Variants in FBXW5 observed in about 807,000 individuals in gnomAD.
The protein encoded by FBXW5 is F-box and WD repeat domain containing 5.
FBXW5 carries 74 observed loss-of-function variants against 50.9 expected under a neutral mutation model. The ratio of observed to expected loss-of-function variants is 1.45; its 90% confidence interval spans 1.20 to 1.76. The LOEUF (loss-of-function observed/expected upper bound fraction) is 1.76. FBXW5 is among the 40% of genes most tolerant of loss of function. The pLI is 0.00. For synonymous variants in FBXW5, 523 were observed against 362.2 expected, an observed-to-expected ratio of 1.44 and a Z score of -5.04; for missense variants, 1,073 against 818.8, an observed-to-expected ratio of 1.31 and a Z score of -3.79.
chr9:136,942,662 T>C lies in FBXW5; in HGVS notation c.560A>G (p.Lys187Arg). The C allele has an allele frequency of 6.2e-7, 1 of 1,610,386 alleles. No individual in the cohort carries two copies. Among genetic ancestry groups the C allele is most frequent in the Non-Finnish European group, 8.5e-7 (1 of 1,178,936 alleles). The change falls in exon 5 of 9, where the codon AAG becomes AGG. Residue 187 changes from lysine to arginine, a missense_variant. Coordinates refer to ENST00000325285, the MANE Select transcript of FBXW5 (RefSeq NM_018998.4). ...SFALLSRVRN[K>R]PYDVFGCWLT... ...CCAACAGCCAAACACGTCATAGGGC[T>C]TGTTCCGCACGCGGGACAGCAGCGC...
rs1002945387 is a variant in FBXW5, at chr9:136,943,812, C to G, written c.193+79G>C. ...ACACGCGGGGCCGCGGGGCGGGCCC[C>G]CAGCCAGGCTGACCCCCAAGCGCAG... On this transcript the variant is annotated intron_variant, in intron 2 of 8. Coordinates refer to ENST00000325285, the MANE Select transcript of FBXW5 (RefSeq NM_018998.4). 6 of 1,457,616 alleles carry G rather than the reference C, an allele frequency of 4.1e-6. No homozygotes were observed. In the Admixed American group the frequency reaches 1.1e-4, roughly 27 times the overall value. 90.3% of individuals were successfully genotyped at this position (1,457,616 alleles called of 1,614,324 possible).
In FBXW5 at chr9:136,940,714, G is replaced by A. The variant is rs531412773; in HGVS notation, c.*214C>T. The A allele has an allele frequency of 5.0e-5, 37 of 733,318 alleles. No individual in the cohort carries two copies. Among genetic ancestry groups the A allele is most frequent in the African/African-American group, 2.5e-4 (14 of 56,328 alleles). 45.4% of individuals were successfully genotyped at this position (733,318 alleles called of 1,614,324 possible). On this transcript the variant is annotated 3_prime_UTR_variant, in exon 9 of 9. Transcript: ENST00000325285. ...TGTACCCCAAGTTGCCCAGGAGGCC[G>A]AGGGGGCCTTGGGCTCCATCTGCAC...
intron 2 of FBXW5, 106 bp downstream of exon 2, chr9:136,943,784 TG>T: frequency 7.8e-7 from 1 of 1,289,988 alleles, no homozygotes; most frequent in Non-Finnish European, 1.1e-6. Flanking sequence ...GGGGTGAGCA[TG>T]GACACGCGGG....
Position 136,942,432 on chromosome 9 carries a change from C to G in FBXW5, c.710G>C (p.Arg237Pro). The part of the protein sequence containing the change: ...VESENVNVVK[R>P]LFKIQNLNAS... ...ATTGAGGTTCTGGATCTTGAACAGC[C>G]GCTTCACCACGTTGACGTTCTCTGA... Residue 237 changes from arginine to proline, a missense_variant, in exon 6 of 9, where the codon CGG (arginine) becomes CCG (proline). Physicochemically the swap from Arg to Pro is moderately radical, Grantham distance 103 (BLOSUM62 -2). Transcript: ENST00000325285. 1 of 1,601,526 alleles carries G rather than the reference C, an allele frequency of 6.2e-7. No homozygotes were observed. The highest frequency in any genetic ancestry group is 8.5e-7 in the Non-Finnish European group (1 of 1,171,154).
chr9:136,942,736 C>G (rs367779676), intron 4 of FBXW5, 33 bp downstream of exon 4: 1 of 1,611,292 alleles, frequency 6.2e-7, no homozygotes, highest in Non-Finnish European at 8.5e-7. Context: ...CGGCGTGGGG[C>G]GGGGGCAGGG....
rs144433423 is a variant in FBXW5 at position 136,942,614 on chromosome 9, G to A, written c.608C>T (p.Ser203Leu). The change falls in exon 5 of 9, where the codon TCG becomes TTG. Residue 203 changes from serine to leucine, a missense_variant. Transcript: ENST00000325285. ...ATCTCCGATGCGGTGCAGGTTCCCCGAGATGAGGCTGGTCTCGGTGAGCCA... is the reference window on the plus strand; with the variant it reads ...ATCTCCGATGCGGTGCAGGTTCCCCAAGATGAGGCTGGTCTCGGTGAGCCA... ...GCWLTETSLI[S>L]GNLHRIGDIT... 80 of 1,610,500 alleles carry A rather than the reference G, an allele frequency of 5.0e-5. No homozygotes were observed. The highest frequency in any genetic ancestry group is 6.5e-5 in the Non-Finnish European group (77 of 1,178,954).
chr9:136,943,764 A>G, intron 2 of FBXW5, 127 bp downstream of exon 2: 1 of 1,149,292 alleles, frequency 8.7e-7, no homozygotes, highest in Non-Finnish European at 1.2e-6. Flanking sequence ...GGCCTCTATC[A>G]GGGTGTGGGG....
Position 136,944,687 on chromosome 9 carries a change from C to A in FBXW5, c.-117G>T. On this transcript the variant is annotated 5_prime_UTR_variant, in exon 1 of 9. Transcript: ENST00000325285. ...CGCTCGGACCGCCGCCCCCGCCCAA[C>A]GGGGAGCCCGCCAGGCCCGACGCCA... is the stretch of plus-strand genomic sequence containing the variant. 1 of 985,778 alleles carries A rather than the reference C, an allele frequency of 1.0e-6. No homozygotes were observed. Among genetic ancestry groups the A allele is most frequent in the Non-Finnish European group, 1.2e-6 (1 of 829,814 alleles). 61.1% of individuals were successfully genotyped at this position (985,778 alleles called of 1,614,324 possible). A position where few individuals can be genotyped will look rare whatever the true frequency, so the allele number is the denominator to read the frequency against.
rs1850744062 is a variant in FBXW5 at position 136,941,185 on chromosome 9, C to G, written c.1458-14G>C. ...TCCTCCGCCCCGCTGCAGAACAGCG[C>G]CTGGGTGAGCCGGCCGCCCGCCCGC... On this transcript the variant is annotated splice_polypyrimidine_tract_variant and intron_variant, in intron 8 of 8. Transcript: ENST00000325285. The G allele has an allele frequency of 6.3e-7, 1 of 1,599,224 alleles. No homozygotes were observed.
Position 136,941,425 on chromosome 9 carries a change from G to T in FBXW5, c.1283C>A (p.Ala428Glu). ...CGGCTGCATGGGGTCGGCCACCACCGCACCGTTGGGCCAGGCGCGGCTGTT... is the reference window on the plus strand; with the variant it reads ...CGGCTGCATGGGGTCGGCCACCACCTCACCGTTGGGCCAGGCGCGGCTGTT... ...YVNSRAWPNG[A>E]VVADPMQPPP... The change falls in exon 8 of 9, where the codon GCG (alanine) becomes GAG (glutamate). Residue 428 changes from alanine (A) to glutamate (E), a missense_variant. Coordinates refer to ENST00000325285, the MANE Select transcript of FBXW5 (RefSeq NM_018998.4). The T allele has an allele frequency of 6.2e-7, 1 of 1,609,392 alleles. No individual in the cohort carries two copies. Among genetic ancestry groups the T allele is most frequent in the Non-Finnish European group, 8.5e-7 (1 of 1,179,864 alleles).
chr9:136,941,258 C>G lies in FBXW5; in HGVS notation c.1450G>C (p.Val484Leu). ...CCACGCCGCGCCCTGCACCTGGCCA[C>G]GAAGTCCCTGCTGACGTCCAGGAAG... ...FIFLDVSRDF[V>L]ASGAEDRHGY... The change falls in exon 8 of 9, where the codon GTG (valine) becomes CTG (leucine). Residue 484 changes from valine to leucine, a missense_variant. Val to Leu is a conservative substitution (Grantham distance 32). Transcript: ENST00000325285. 6.2e-7 allele frequency: 1 copy of G among 1,604,900 alleles called. No individual in the cohort carries two copies. The highest frequency in any genetic ancestry group is 8.5e-7 in the Non-Finnish European group (1 of 1,179,388).
Position 136,942,234 on chromosome 9 carries a change from C to T in FBXW5, c.908G>A (p.Arg303Gln), listed in dbSNP as rs368953164. Residue 303 changes from arginine to glutamine, a missense_variant, in exon 6 of 9, where the codon CGG (arginine) becomes CAG (glutamine). Coordinates refer to ENST00000325285, the MANE Select transcript of FBXW5 (RefSeq NM_018998.4). ...CTCCAGCACGCGGTCCAGAAAGTGC[C>T]GCAAGCCCTCCTTGGCGTGGGCGGG... ...PAPAHAKEGLRHFLDRVLEGR... is the reference protein window; with the variant it reads ...PAPAHAKEGLQHFLDRVLEGR... The T allele has an allele frequency of 3.4e-5, 54 of 1,588,076 alleles. No homozygotes were observed. Among genetic ancestry groups the T allele is most frequent in the South Asian group, 1.2e-4 (11 of 88,242 alleles).
chr9:136,943,510 C>T lies in FBXW5; in HGVS notation c.194-4G>A, dbSNP rs201091313. On this transcript the variant is annotated splice_region_variant and splice_polypyrimidine_tract_variant and intron_variant, in intron 2 of 8. Transcript: ENST00000325285. The stretch of plus-strand genomic sequence containing the variant: ...TCCTCGTACCAGGACATGGCCGCTG[C>T]GGGTGGGCAGTTGTCAGTCCTGGGC... The T allele has an allele frequency of 4.7e-5, 76 of 1,606,114 alleles. No individual in the cohort carries two copies. The African/African-American group carries it at 8.0e-4, about 17-fold the overall frequency.
chr9:136,943,922 G>GT lies in FBXW5; in HGVS notation c.161dup (p.Tyr54Ter), dbSNP rs1165176772. The GT allele has an allele frequency of 2.4e-5, 37 of 1,551,116 alleles. No individual in the cohort carries two copies. The highest frequency in any genetic ancestry group is 3.1e-5 in the Non-Finnish European group (36 of 1,147,602). Reference protein sequence around the residue: ...FLWREQFYRYYQVARDVPRHP... With the variant: ...FLWREQFYRY ...GTCGGGGCACGTCGCGGGCCACCTG[G>GT]TAGTAGCGGTAGAACTGCTCCCTCC... The change falls in exon 2 of 9, where the codon TAC (tyrosine) becomes TAAC (stop). Residue 54 changes from tyrosine to a stop codon, truncating the protein, a stop_gained and frameshift_variant. Coordinates refer to ENST00000325285, the MANE Select transcript of FBXW5 (RefSeq NM_018998.4). LOFTEE classifies it high-confidence loss of function.
rs1055006103 is a variant in FBXW5, at chr9:136,944,737, A to G, written c.-167T>C. The G allele has an allele frequency of 7.1e-6, 7 of 985,402 alleles. No individual in the cohort carries two copies. Among genetic ancestry groups the G allele is most frequent in the Non-Finnish European group, 8.4e-6 (7 of 829,918 alleles). The allele number at this position is 985,402 out of a possible 1,614,324, so 61.0% of individuals were successfully genotyped here. A position where few individuals can be genotyped will look rare whatever the true frequency, so the allele number is the denominator to read the frequency against. On this transcript the variant is annotated 5_prime_UTR_variant, in exon 1 of 9. Transcript: ENST00000325285. Reference sequence around the variant, plus strand: ...ACGAGCCCCGAGGCATCGATGGCCGAGGAAGGCAGAGCGCGCGGGTAGCCC... The same window carrying G: ...ACGAGCCCCGAGGCATCGATGGCCGGGGAAGGCAGAGCGCGCGGGTAGCCC...
chr9:136,943,871 G>T lies in FBXW5; in HGVS notation c.193+20C>A. The stretch of plus-strand genomic sequence containing the variant: ...GGCCCTGGCTGCAGAACGTGGGTAG[G>T]GGCCCCACACGCCACTGACCTGGGT... On this transcript the variant is annotated intron_variant, in intron 2 of 8. Transcript: ENST00000325285. 3 of 1,548,490 alleles carry T rather than the reference G, an allele frequency of 1.9e-6. No individual in the cohort carries two copies. Among genetic ancestry groups the T allele is most frequent in the Non-Finnish European group, 2.6e-6 (3 of 1,146,156 alleles).
Position 136,943,880 on chromosome 9 carries a change from A to G in FBXW5, c.193+11T>C. The G allele has an allele frequency of 1.4e-5, 22 of 1,549,202 alleles. No homozygotes were observed. The highest frequency in any genetic ancestry group is 1.9e-5 in the Non-Finnish European group (22 of 1,146,464). ...TGCAGAACGTGGGTAGGGGCCCCAC[A>G]CGCCACTGACCTGGGTGTCGGGGCA... On this transcript the variant is annotated intron_variant, in intron 2 of 8. Coordinates refer to ENST00000325285, the MANE Select transcript of FBXW5 (RefSeq NM_018998.4).
chr9:136,942,016 G>C (rs373790300), intron 6 of FBXW5, 30 bp downstream of exon 6: 2 of 1,578,192 alleles, frequency 1.3e-6, no homozygotes, highest in South Asian at 1.2e-5. Flanking sequence ...TCCTAGGACC[G>C]AGGCGGGCAG....
Position 136,942,709 on chromosome 9 carries a change from G to T in FBXW5, c.527-14C>A, listed in dbSNP as rs372187895. ...GCGCGAAGGAGTCTGTGGGGAGGCCGGGGCTGGACAGGCTGTCGGCGTGGG... is the reference window on the plus strand; with the variant it reads ...GCGCGAAGGAGTCTGTGGGGAGGCCTGGGCTGGACAGGCTGTCGGCGTGGG... On this transcript the variant is annotated splice_polypyrimidine_tract_variant and intron_variant, in intron 4 of 8. Transcript: ENST00000325285. The T allele has an allele frequency of 2.5e-6, 4 of 1,610,932 alleles. No homozygotes were observed. In the Admixed American group the frequency reaches 6.7e-5, roughly 27 times the overall value.
Sources: gnomAD v4.1 joint callset for allele counts on GRCh38, gnomAD v4.1.1 for gene constraint, MANE v1.5 for transcripts, NCBI Gene and HGNC (gene_info 2026-07-23, HGNC 2026-07-21) for gene names.